The following PCDHA5 variants were observed in gnomAD, a reference collection of about 807,000 sequenced individuals.
The protein encoded by PCDHA5 is protocadherin alpha-5.
PCDHA5 carries 43 observed loss-of-function variants against 61.6 expected under a neutral mutation model. The observed-to-expected ratio is 0.70, with a 90% CI of 0.55 to 0.90. The LOEUF (loss-of-function observed/expected upper bound fraction) is 0.90. Among genes scored for constraint, PCDHA5 ranks in the 40% least tolerant of loss-of-function variants. PCDHA5 has a pLI of 0.00. For synonymous variants in PCDHA5, 627 were observed against 543.9 expected (o/e 1.15, Z -2.13); for missense variants, 1,298 against 1,222.7 (o/e 1.06, Z -0.92).
intron 1 of PCDHA5, chr5:140,869,562 A>C: frequency 2.5e-6 from 4 of 1,614,168 alleles, no homozygotes. Flanking sequence ...CGCGTTTTCC[A>C]CTAGAGGGAG....
chr5:140,959,141 C>G (rs936183508), intron 1 of PCDHA5, among the ~76,000 whole-genome samples: 1 of 151,924 alleles, frequency 6.6e-6, no homozygotes, highest in Admixed American at 6.6e-5. Context: ...CTTTGGGAGG[C>G]CAAAGTGGGC....
At chr5:141,002,557 CAGTT>C (rs2098085452) in intron 3 of PCDHA5, among the ~76,000 whole-genome samples, 1 of 152,180 alleles carries the variant, frequency 6.6e-6, no homozygotes, top group South Asian at 2.1e-4. Flanking sequence ...CAGGATCCAC[CAGTT>C]AGTGACCATG....
intron 1 of PCDHA5, chr5:140,883,514 G>C (rs2059648914): frequency 1.2e-6 from 2 of 1,614,220 alleles, no homozygotes; most frequent in Non-Finnish European, 1.7e-6. Context: ...CCTGGACCGC[G>C]AGAGCGTATC....
At chr5:140,843,524 G>T in intron 1 of PCDHA5, 1 of 1,595,982 alleles carries the variant, frequency 6.3e-7, no homozygotes, top group South Asian at 1.1e-5. Flanking sequence ...GTGCCGGGCG[G>T]GCAAGCCCAC....
chr5:140,971,032 G>A (rs540815935), intron 1 of PCDHA5, among the ~76,000 whole-genome samples: 4 of 152,302 alleles, frequency 2.6e-5, no homozygotes, highest in African/African-American at 7.2e-5. Context: ...GCATTTGAAA[G>A]CACGTAAAAG....
chr5:140,943,617 T>A (rs2093532711), intron 1 of PCDHA5, among the ~76,000 whole-genome samples: 1 of 152,208 alleles, frequency 6.6e-6, no homozygotes, highest in Non-Finnish European at 1.5e-5. Context: ...TTGATTCATC[T>A]GCATAAGGAA....
intron 1 of PCDHA5, among the ~76,000 whole-genome samples, chr5:140,905,368 T>C (rs536118800): frequency 6.6e-6 from 1 of 152,218 alleles, no homozygotes; most frequent in African/African-American, 2.4e-5. Flanking sequence ...TATTTCTGGT[T>C]CTCTGTTCTG....
chr5:140,939,499 A>G (rs1467638389), intron 1 of PCDHA5, among the ~76,000 whole-genome samples: 1 of 152,234 alleles, frequency 6.6e-6, no homozygotes, highest in African/African-American at 2.4e-5. Flanking sequence ...TATAAATTCA[A>G]TGTCTATAAC....
intron 1 of PCDHA5, among the ~76,000 whole-genome samples, chr5:140,906,751 G>C (rs782384757): frequency 1.3e-5 from 2 of 152,166 alleles, no homozygotes; most frequent in African/African-American, 2.4e-5. Context: ...CACAGGGCAT[G>C]GTAATACTAA....
At chr5:140,967,321 C>T (rs985147302) in intron 1 of PCDHA5, 12 of 1,609,430 alleles carry the variant, frequency 7.5e-6, no homozygotes, top group Non-Finnish European at 1.0e-5. Context: ...TACAGACCTA[C>T]GAGCTCAGCC....
chr5:140,878,927 A>G (rs1176306554), intron 1 of PCDHA5, among the ~76,000 whole-genome samples: 1 of 152,216 alleles, frequency 6.6e-6, no homozygotes, highest in African/African-American at 2.4e-5. Context: ...TCAATCAATA[A>G]TTTTAAATAA....
At chr5:140,871,121 A>G (rs1554165161) in intron 1 of PCDHA5, 4 of 1,613,320 alleles carry the variant, frequency 2.5e-6, no homozygotes, top group Non-Finnish European at 3.4e-6. Context: ...GAGAGCGGAC[A>G]GGCGCCAAAG....
intron 1 of PCDHA5, among the ~76,000 whole-genome samples, chr5:140,960,597 C>G (rs1315375637): frequency 1.3e-5 from 2 of 152,092 alleles, no homozygotes; most frequent in Non-Finnish European, 2.9e-5. Flanking sequence ...ATTCAAGGTA[C>G]TTCAACAATA....
intron 1 of PCDHA5, among the ~76,000 whole-genome samples, chr5:140,839,584 CT>C (rs1237796320): frequency 6.6e-6 from 1 of 151,868 alleles, no homozygotes; most frequent in Non-Finnish European, 1.5e-5. Flanking sequence ...GAGATGGGGT[CT>C]TACCATGTTG....
chr5:140,972,359 A>T (rs1466504264), intron 1 of PCDHA5, among the ~76,000 whole-genome samples: 3 of 151,418 alleles, frequency 2.0e-5, no homozygotes, highest in Non-Finnish European at 4.4e-5. Flanking sequence ...TATGTTGCAC[A>T]TGCTGTTAGT....
At chr5:140,857,699 C>T (rs1554150537) in intron 1 of PCDHA5, 1 of 1,597,158 alleles carries the variant, frequency 6.3e-7, no homozygotes, top group East Asian at 2.2e-5. Flanking sequence ...CTTGACGCTG[C>T]AGGTGTTCGT....
In PCDHA5 at chr5:140,857,359, G is replaced by C. The variant is rs200721411; in HGVS notation, c.2352+33232G>C. 31 of 1,598,398 alleles carry C rather than the reference G, an allele frequency of 1.9e-5. 2 individuals carry two copies. In the African/African-American group the frequency reaches 2.4e-4, roughly 12 times the overall value. The stretch of plus-strand genomic sequence containing the variant: ...GGGGCTCGCCTCCGCTGTGGGCCAC[G>C]GCCAGCGTGTCTGTGGAGGTGGCCG... On this transcript the variant is annotated intron_variant, in intron 1 of 3. Transcript: ENST00000529859.
intron 1 of PCDHA5, among the ~76,000 whole-genome samples, chr5:140,913,292 T>G (rs1252467748): frequency 6.6e-6 from 1 of 152,184 alleles, no homozygotes; most frequent in African/African-American, 2.4e-5. Flanking sequence ...AGGTTTTAAT[T>G]TCTTCATAGA....
At chr5:140,852,191 G>A in intron 1 of PCDHA5, 1 of 725,566 alleles carries the variant, frequency 1.4e-6, no homozygotes, top group Non-Finnish European at 1.7e-6. Context: ...GAAAATGCCA[G>A]TAACGTTTAT....
Sources: allele counts gnomAD v4.1 joint callset (sites outside exome capture counted in the v4.1 genomes callset), GRCh38; gene constraint gnomAD v4.1.1; transcripts MANE v1.5; gene names NCBI Gene and HGNC (gene_info 2026-07-23, HGNC 2026-07-21).